Variants in MID1 observed in about 807,000 individuals in gnomAD.
MID1 encodes E3 ubiquitin-protein ligase Midline-1.
Under a neutral mutation model 40.4 loss-of-function variants are expected in MID1, and 7 were observed. The ratio of observed to expected loss-of-function variants is 0.17; its 90% CI spans 0.10 to 0.33. The LOEUF (loss-of-function observed/expected upper bound fraction) is 0.33, where lower values mean the gene tolerates loss of function less well. MID1 is among the 10% of genes least tolerant of loss of function. The probability of loss-of-function intolerance (pLI) is 1.00; values close to 1 mark genes in which losing one functional copy is unlikely to be tolerated. For synonymous variants in MID1, 229 were observed against 221.2 expected (o/e 1.04, Z -0.31); for missense variants, 367 against 558.5 (o/e 0.66, Z 3.46).
At chrX:10,734,461 T>C (rs2043474005) in intron 1 of MID1, among the ~76,000 whole-genome samples, 2 of 108,745 alleles carry the variant, frequency 1.8e-5, no homozygotes, top group South Asian at 4.1e-4. Flanking sequence ...AATACCTGGG[T>C]GATGAAATAA....
intron 1 of MID1, among the ~76,000 whole-genome samples, chrX:10,777,532 T>C (rs1165143273): frequency 9.2e-6 from 1 of 108,757 alleles, no homozygotes; most frequent in East Asian, 2.9e-4. Flanking sequence ...TAAGCTCTTT[T>C]CTTTTCTTTT....
At chrX:10,745,878 G>C (rs772189006) in intron 1 of MID1, among the ~76,000 whole-genome samples, 13 of 112,369 alleles carry the variant, frequency 1.2e-4, no homozygotes, top group Non-Finnish European at 2.3e-4. Flanking sequence ...CAAAGATTTA[G>C]CCCATCAATT....
At chrX:10,723,744 T>G (rs1569155577) in intron 1 of MID1, among the ~76,000 whole-genome samples, 1 of 111,352 alleles carries the variant, frequency 9.0e-6, no homozygotes. Context: ...AGTAGAGACG[T>G]GGTTTCACCG....
intron 1 of MID1, among the ~76,000 whole-genome samples, chrX:10,729,408 A>T (rs1283158798): frequency 8.9e-6 from 1 of 112,226 alleles, no homozygotes; most frequent in Non-Finnish European, 1.9e-5. Context: ...GGGAAAATAC[A>T]CTGAAAATTT....
chrX:10,542,781 G>A lies in MID1; in HGVS notation c.661-19594C>T, dbSNP rs141205623. ...CTGACATTAGGTTGGCAGGAGTAACGGAACATTACAAAGATATGGCAATCA... is the reference window on the plus strand; with the variant it reads ...CTGACATTAGGTTGGCAGGAGTAACAGAACATTACAAAGATATGGCAATCA... On this transcript the variant is annotated intron_variant, in intron 2 of 9. Transcript: ENST00000317552. Among the ~76,000 whole-genome samples, 7 of 111,591 alleles carry A rather than the reference G, an allele frequency of 6.3e-5. No individual in the cohort carries two copies. In the East Asian group the frequency reaches 1.4e-3, roughly 22 times the overall value.
intron 1 of MID1, chrX:10,589,832 C>T (rs1169989288): frequency 9.0e-6 from 1 of 110,501 alleles, no homozygotes; most frequent in Non-Finnish European, 1.9e-5. Flanking sequence ...CACCTCGCTT[C>T]CTGGTCAGGG....
intron 5 of MID1, among the ~76,000 whole-genome samples, chrX:10,482,225 T>C (rs1373172006): frequency 1.8e-5 from 2 of 111,912 alleles, no homozygotes; most frequent in African/African-American, 6.5e-5. Flanking sequence ...AAAAGCAGGT[T>C]GATTTTATTC....
At chrX:10,607,105 C>A (rs1200471354) in intron 1 of MID1, among the ~76,000 whole-genome samples, 2 of 112,063 alleles carry the variant, frequency 1.8e-5, no homozygotes, top group Non-Finnish European at 3.8e-5. Context: ...CTCTGTTAAC[C>A]ACTAATCTTC....
intron 1 of MID1, among the ~76,000 whole-genome samples, chrX:10,684,945 T>G (rs1364675813): frequency 9.0e-6 from 1 of 111,457 alleles, no homozygotes; most frequent in African/African-American, 3.3e-5. Flanking sequence ...TATAGATCTG[T>G]TTTTCTGGAC....
chrX:10,569,688 T>C (rs1209911111), intron 1 of MID1, among the ~76,000 whole-genome samples: 1 of 111,962 alleles, frequency 8.9e-6, no homozygotes, highest in East Asian at 2.8e-4. Context: ...TGGAGAGCTA[T>C]GATGACTATA....
At position 10,475,713 on chromosome X, in the gene MID1, C is replaced by T. The variant is rs145887518; in HGVS notation, c.1014-963G>A. ...AAGAGCTATTATATGCGGAGTATTG[C>T]GTAGGATGCTGGGAATTTTTGAGCA... On this transcript the variant is annotated intron_variant, in intron 5 of 9. Transcript: ENST00000317552. Among the ~76,000 whole-genome samples, 712 of 111,925 alleles carry T rather than the reference C, an allele frequency of 6.4e-3. 7 individuals are homozygous for T. Among genetic ancestry groups the T allele is most frequent in the African/African-American group, 0.022 (664 of 30,826 alleles).
At chrX:10,609,295 G>T (rs185024541) in intron 1 of MID1, among the ~76,000 whole-genome samples, 1 of 111,218 alleles carries the variant, frequency 9.0e-6, no homozygotes, top group East Asian at 2.8e-4. Context: ...TCATTCAGAG[G>T]GTAAGAGGTA....
intron 1 of MID1, among the ~76,000 whole-genome samples, chrX:10,832,117 C>T (rs183574858): frequency 1.5e-3 from 166 of 112,723 alleles, no homozygotes; most frequent in African/African-American, 5.0e-3. Context: ...TGTTCTGCGG[C>T]TTGTGCTATT....
chrX:10,705,827 T>C (rs764951219), intron 1 of MID1, among the ~76,000 whole-genome samples: 1 of 112,383 alleles, frequency 8.9e-6, no homozygotes, highest in African/African-American at 3.2e-5. Context: ...CACTGGCCAA[T>C]CTGCTAATTC....
chrX:10,681,361 C>T (rs1389718231), intron 1 of MID1, among the ~76,000 whole-genome samples: 2 of 111,827 alleles, frequency 1.8e-5, no homozygotes, highest in Non-Finnish European at 3.8e-5. Context: ...CACCTCTGCC[C>T]TATTTGGCAC....
chrX:10,800,721 CT>C (rs1417247077), intron 1 of MID1, among the ~76,000 whole-genome samples: 1 of 111,678 alleles, frequency 9.0e-6, no homozygotes, highest in African/African-American at 3.3e-5. Flanking sequence ...ACACTGTTCC[CT>C]GGGCCTAATT....
intron 1 of MID1, among the ~76,000 whole-genome samples, chrX:10,733,536 T>C (rs2147104544): frequency 8.9e-6 from 1 of 112,003 alleles, no homozygotes; most frequent in East Asian, 2.8e-4. Context: ...TTGAAAAGAA[T>C]ATTGGGAAGA....
intron 3 of MID1, among the ~76,000 whole-genome samples, chrX:10,501,198 A>C (rs1421974233): frequency 9.0e-6 from 1 of 111,467 alleles, no homozygotes; most frequent in African/African-American, 3.3e-5. Context: ...AATCCCAGCT[A>C]ATCGGGAGGC....
Position 10,805,381 on chromosome X carries a change from C to T in MID1, c.-187+28173G>A, listed in dbSNP as rs1228667099. On this transcript the variant is annotated intron_variant, in intron 1 of 10. Coordinates refer to the MID1 transcript ENST00000380785. ...TGATGATTTCCAATTTCATCCATGT[C>T]CCTATAAAGGACATGAACTCATCCT... 6.5e-5 allele frequency among the ~76,000 whole-genome samples: 7 copies of T among 107,264 alleles called. No individual in the cohort carries two copies. The South Asian group carries it at 3.0e-3, about 47-fold the overall frequency. The allele number at this position is 107,264 out of a possible 115,157, so 93.1% of individuals were successfully genotyped here.
Sources: gnomAD v4.1 joint callset for allele counts (sites outside exome capture counted in the v4.1 genomes callset) on GRCh38, gnomAD v4.1.1 for gene constraint, MANE v1.5 for transcripts, NCBI Gene and HGNC (gene_info 2026-07-23, HGNC 2026-07-21) for gene names.